The following BRD10 variants were observed in gnomAD, a reference collection of about 807,000 sequenced individuals.
BRD10 encodes bromodomain containing 10.
At chr9:5,942,966 C>T in the BRD10 span, among the ~76,000 whole-genome samples, 1 of 152,180 alleles carries the variant, frequency 6.6e-6, no homozygotes, top group South Asian at 2.1e-4. Flanking sequence ...CAGCCTCGAC[C>T]TCCTGGGCAC....
At chr9:5,908,993 G>C in the BRD10 span, 3 of 378,724 alleles carry the variant, frequency 7.9e-6, no homozygotes, top group Admixed American at 4.3e-5. Context: ...TATTTTCTGA[G>C]AGACAGAATT....
chr9:5,941,950 C>T, the BRD10 span, among the ~76,000 whole-genome samples: 1 of 151,986 alleles, frequency 6.6e-6, no homozygotes, highest in Non-Finnish European at 1.5e-5. Context: ...CATGTTAAAT[C>T]CTCTATCACA....
the BRD10 span, chr9:5,923,275 C>T: frequency 6.2e-7 from 1 of 1,610,502 alleles, no homozygotes; most frequent in Non-Finnish European, 8.5e-7. Flanking sequence ...TGCTTCTAGC[C>T]ATAGGAAAAT....
the BRD10 span, among the ~76,000 whole-genome samples, chr9:5,952,210 G>C: frequency 6.6e-6 from 1 of 151,878 alleles, no homozygotes; most frequent in Non-Finnish European, 1.5e-5. Context: ...TTTTAGTAGA[G>C]ATGGGGTTTC....
At chr9:5,895,724 G>A in the BRD10 span, among the ~76,000 whole-genome samples, 1 of 152,198 alleles carries the variant, frequency 6.6e-6, no homozygotes, top group Non-Finnish European at 1.5e-5. Context: ...CCTATGATCT[G>A]CACCTTAACG....
chr9:6,000,315 A>C, the BRD10 span, among the ~76,000 whole-genome samples: 1 of 152,174 alleles, frequency 6.6e-6, no homozygotes, highest in Non-Finnish European at 1.5e-5. Flanking sequence ...TAAAAAGAAA[A>C]AACTTCTGGT....
chr9:5,882,487 A>G, the BRD10 span, among the ~76,000 whole-genome samples: 4 of 152,224 alleles, frequency 2.6e-5, no homozygotes, highest in Admixed American at 2.0e-4. Flanking sequence ...GAGGCTTCTC[A>G]TACTTGTATG....
chr9:5,880,261 C>T, the BRD10 span, among the ~76,000 whole-genome samples: 17 of 151,908 alleles, frequency 1.1e-4, no homozygotes, highest in African/African-American at 4.1e-4. Context: ...CAAGCCAAAT[C>T]CCAGCACTTT....
At chr9:5,949,269 G>T in the BRD10 span, among the ~76,000 whole-genome samples, 2 of 152,114 alleles carry the variant, frequency 1.3e-5, no homozygotes, top group African/African-American at 4.8e-5. Context: ...AAACCACAGA[G>T]AATCGCTTGA....
At chr9:5,927,967 G>A in the BRD10 span, among the ~76,000 whole-genome samples, 1 of 152,136 alleles carries the variant, frequency 6.6e-6, no homozygotes, top group African/African-American at 2.4e-5. Flanking sequence ...ATACTGAACT[G>A]CTTATTCAAT....
the BRD10 span, among the ~76,000 whole-genome samples, chr9:5,995,743 T>C: frequency 1.5e-3 from 235 of 152,286 alleles, no homozygotes; most frequent in African/African-American, 5.1e-3. Context: ...CAGTTTTAGA[T>C]AGATAGGAAA....
the BRD10 span, chr9:5,933,902 G>T: frequency 2.2e-6 from 1 of 463,350 alleles, no homozygotes. Flanking sequence ...AAAAAAGAGG[G>T]ACATAAATAA....
At chr9:5,945,781 G>C in the BRD10 span, among the ~76,000 whole-genome samples, 1 of 151,558 alleles carries the variant, frequency 6.6e-6, no homozygotes, top group Admixed American at 6.6e-5. Flanking sequence ...AATAATTTAA[G>C]CTATTTAAAA....
the BRD10 span, among the ~76,000 whole-genome samples, chr9:5,886,506 T>C: frequency 2.0e-5 from 3 of 152,252 alleles, no homozygotes; most frequent in Non-Finnish European, 4.4e-5. Flanking sequence ...CCCTTTCATT[T>C]CAGATGCGTG....
chr9:5,986,730 T>C, the BRD10 span, among the ~76,000 whole-genome samples: 2 of 152,252 alleles, frequency 1.3e-5, no homozygotes, highest in Admixed American at 6.5e-5. Flanking sequence ...TCATAGTTAC[T>C]ATGATATTTA....
the BRD10 span, among the ~76,000 whole-genome samples, chr9:5,975,838 T>TA: frequency 6.6e-6 from 1 of 152,142 alleles, no homozygotes; most frequent in Non-Finnish European, 1.5e-5. Flanking sequence ...ATAAAAACAG[T>TA]AATAATGGTT....
the BRD10 span, chr9:5,908,884 G>C: frequency 2.4e-5 from 14 of 571,846 alleles, no homozygotes; most frequent in Non-Finnish European, 4.0e-5. Context: ...ATCATGTGAG[G>C]AAATGATGAG....
At chr9:5,881,165 G>A in the BRD10 span, among the ~76,000 whole-genome samples, 2 of 152,148 alleles carry the variant, frequency 1.3e-5, no homozygotes, top group South Asian at 4.1e-4. Flanking sequence ...TTTAAGGTCT[G>A]GGGGCTACTT....
the BRD10 span, among the ~76,000 whole-genome samples, chr9:5,915,941 A>C: frequency 6.6e-5 from 10 of 152,314 alleles, no homozygotes; most frequent in African/African-American, 2.4e-4. Flanking sequence ...GATTACATAC[A>C]TCATTTGATT....
Sources: allele counts gnomAD v4.1 joint callset (sites outside exome capture counted in the v4.1 genomes callset), GRCh38; gene constraint gnomAD v4.1.1; transcripts MANE v1.5; gene names NCBI Gene and HGNC (gene_info 2026-07-23, HGNC 2026-07-21).